The following ADGRB1 variants were observed in gnomAD, a reference collection of about 807,000 sequenced individuals.
The protein encoded by ADGRB1 is adhesion G protein-coupled receptor B1.
A neutral mutation model predicts 175.7 loss-of-function variants in ADGRB1; 36 were observed. The observed-to-expected ratio is 0.20, with a 90% CI of 0.16 to 0.27. ADGRB1 has a LOEUF of 0.27. Ranked by LOEUF, ADGRB1 falls within the 10% of genes least tolerant of loss-of-function variation. ADGRB1 has a pLI of 1.00. For synonymous variants in ADGRB1, 1,054 were observed against 979.4 expected, an observed-to-expected ratio of 1.08 and a Z score of -1.42; for missense variants, 1,731 against 2,255.3, an observed-to-expected ratio of 0.77 and a Z score of 4.71.
intron 27 of ADGRB1, chr8:142,539,715 C>CGAGA: frequency 2.8e-5 from 15 of 535,772 alleles, no homozygotes; most frequent in Admixed American, 3.3e-5. Flanking sequence ...GCTGCGTCCC[C>CGAGA]TGCCCACCTG....
At chr8:142,476,849 T>A (rs1268000161) in intron 4 of ADGRB1, among the ~76,000 whole-genome samples, 154 bp downstream of exon 4, 1 of 152,148 alleles carries the variant, frequency 6.6e-6, no homozygotes, top group Non-Finnish European at 1.5e-5. Context: ...CTGCCTGGCA[T>A]TAGGGGAACT....
intron 1 of ADGRB1, among the ~76,000 whole-genome samples, chr8:142,463,069 C>G (rs527474376): frequency 3.3e-5 from 5 of 152,228 alleles, no homozygotes; most frequent in African/African-American, 4.8e-5. Context: ...CTCACTGTGA[C>G]GGGTAAATTA....
At chr8:142,477,615 C>T (rs945103863) in intron 6 of ADGRB1, 66 bp downstream of exon 6, 11 of 1,537,960 alleles carry the variant, frequency 7.2e-6, no homozygotes, top group Middle Eastern at 1.7e-4. Context: ...AGTGGGCCAC[C>T]GGCCAGGCCC....
chr8:142,501,109 G>A (rs1842503991), intron 17 of ADGRB1, among the ~76,000 whole-genome samples: 1 of 152,236 alleles, frequency 6.6e-6, no homozygotes, highest in Non-Finnish European at 1.5e-5. Context: ...ATGAGGCGAT[G>A]GCAGTGTTGG....
intron 12 of ADGRB1, 24 bp downstream of exon 12, chr8:142,484,069 C>A: frequency 3.7e-6 from 6 of 1,600,100 alleles, no homozygotes; most frequent in South Asian, 1.1e-5. Flanking sequence ...CCCCTACGGT[C>A]AGCAGCCTCA....
chr8:142,453,736 G>A (rs548236616), intron 1 of ADGRB1, among the ~76,000 whole-genome samples: 2 of 152,318 alleles, frequency 1.3e-5, no homozygotes, highest in South Asian at 4.1e-4. Context: ...CTAAGGCTGC[G>A]GGAATATGCA....
Position 142,493,031 on chromosome 8 carries a change from G to A in ADGRB1, c.2675+2216G>A, listed in dbSNP as rs368719136. ...CCTCTCTACCAGCATAAATGCCAGC[G>A]TGACCAGCGATCTTGCGAGGACAGC... On this transcript the variant is annotated intron_variant, in intron 17 of 30. Transcript: ENST00000517894. The surrounding 1 kb of genome is among the most constrained non-coding windows in gnomAD (Gnocchi z 5.0). 5.9e-5 allele frequency among the ~76,000 whole-genome samples: 9 copies of A among 152,108 alleles called. No individual in the cohort carries two copies. Among genetic ancestry groups the A allele is most frequent in the South Asian group, 2.1e-4 (1 of 4,808 alleles).
At chr8:142,469,998 G>A (rs563830427) in intron 2 of ADGRB1, among the ~76,000 whole-genome samples, 6 of 152,342 alleles carry the variant, frequency 3.9e-5, no homozygotes, top group African/African-American at 1.4e-4. Context: ...GCAACACACA[G>A]CCAAGTGCAG....
chr8:142,544,676 C>A lies in ADGRB1; in HGVS notation c.*259C>A. 8.5e-6 allele frequency: 3 copies of A among 352,570 alleles called. No homozygotes were observed. Among genetic ancestry groups the A allele is most frequent in the Non-Finnish European group, 1.0e-5 (2 of 199,096 alleles). 21.8% of individuals were successfully genotyped at this position (352,570 alleles called of 1,614,324 possible). Reference sequence around the variant, plus strand: ...AGACTCCGCCCTCCTCGGGCCGAGGCCCAGCGGGCAGATGGGCGGACGGCT... The same window carrying A: ...AGACTCCGCCCTCCTCGGGCCGAGGACCAGCGGGCAGATGGGCGGACGGCT... On this transcript the variant is annotated 3_prime_UTR_variant, in exon 31 of 31. Transcript: ENST00000517894.
intron 11 of ADGRB1, 88 bp from the exon 12 acceptor site, chr8:142,483,889 T>G: frequency 7.1e-7 from 1 of 1,418,100 alleles, no homozygotes. Context: ...CTGACCCTGG[T>G]CACACACTGA....
At position 142,497,931 on chromosome 8, in the gene ADGRB1, G is replaced by A. The variant is rs528163667; in HGVS notation, c.2675+7116G>A. ...GCCCCCATGGCCTGAACTTCGAGTG[G>A]GCTAGCCTCCTCCCAGTCCAGGACA... is the stretch of plus-strand genomic sequence containing the variant. On this transcript the variant is annotated intron_variant, in intron 17 of 30. Coordinates refer to ENST00000517894, the MANE Select transcript of ADGRB1 (RefSeq NM_001702.3). Among the ~76,000 whole-genome samples, 8 of 152,294 alleles carry A rather than the reference G, an allele frequency of 5.3e-5. No homozygotes were observed. In the East Asian group the frequency reaches 1.5e-3, roughly 29 times the overall value.
At chr8:142,462,744 G>C (rs1348641722) in intron 1 of ADGRB1, among the ~76,000 whole-genome samples, 1 of 152,274 alleles carries the variant, frequency 6.6e-6, no homozygotes, top group African/African-American at 2.4e-5. Flanking sequence ...TGGGGGAGGG[G>C]GACTGGCTAC....
chr8:142,529,918 C>G (rs1014793681), intron 24 of ADGRB1, among the ~76,000 whole-genome samples: 11 of 143,170 alleles, frequency 7.7e-5, no homozygotes, highest in Non-Finnish European at 1.1e-4. Context: ...GAGCATGCAT[C>G]TGTGTGTGTA....
At chr8:142,536,887 C>A in intron 25 of ADGRB1, 100 bp from the exon 26 acceptor site, 1 of 1,042,024 alleles carries the variant, frequency 9.6e-7, no homozygotes, top group South Asian at 1.7e-5. Context: ...CTGCCCTTCC[C>A]CGAGACGCCC....
At position 142,460,240 on chromosome 8, in the gene ADGRB1, G is replaced by C. The variant is rs568534437; in HGVS notation, c.-219-3740G>C. The stretch of plus-strand genomic sequence containing the variant: ...GACCTCGGCTGGCTCAGGGATGGGT[G>C]GGTCTGCTGGGGGCAGGGCAGGGGG... On this transcript the variant is annotated intron_variant, in intron 1 of 30. Transcript: ENST00000517894. Among the ~76,000 whole-genome samples the C allele has an allele frequency of 4.0e-3, 613 of 152,338 alleles. 3 individuals are homozygous for C. Among genetic ancestry groups the C allele is most frequent in the African/African-American group, 0.014 (568 of 41,578 alleles).
At chr8:142,453,173 C>A (rs2131612503) in intron 1 of ADGRB1, among the ~76,000 whole-genome samples, 1 of 152,226 alleles carries the variant, frequency 6.6e-6, no homozygotes, top group East Asian at 1.9e-4. Flanking sequence ...CGCGCGTTTG[C>A]GTGCTGGTGT....
chr8:142,510,834 G>T lies in ADGRB1; in HGVS notation c.2676-98G>T. 1.6e-6 allele frequency: 1 copy of T among 606,124 alleles called. No individual in the cohort carries two copies. Among genetic ancestry groups the T allele is most frequent in the Non-Finnish European group, 2.1e-6 (1 of 486,552 alleles). The allele number at this position is 606,124 out of a possible 1,614,324, so 37.5% of individuals were successfully genotyped here. A position where few individuals can be genotyped will look rare whatever the true frequency, so the allele number is the denominator to read the frequency against. ...TGCGGGGCGGCGGGCCGGGGCCGGG[G>T]CCGGGGCGCGGAGCCGCCGCTCGGG... On this transcript the variant is annotated intron_variant, in intron 17 of 30. Transcript: ENST00000517894. This position sits in a 1 kb window ranked among gnomAD's most constrained non-coding sequence, Gnocchi z 6.3.
At chr8:142,501,068 A>G (rs914890783) in intron 17 of ADGRB1, among the ~76,000 whole-genome samples, 2 of 152,308 alleles carry the variant, frequency 1.3e-5, no homozygotes, top group Middle Eastern at 3.4e-3. Flanking sequence ...GGCTAGTGTC[A>G]GTTCCAGGGA....
At chr8:142,486,894 C>T (rs962444005) in intron 13 of ADGRB1, among the ~76,000 whole-genome samples, 1 of 152,020 alleles carries the variant, frequency 6.6e-6, no homozygotes. Context: ...TGGTGGTGCA[C>T]CTTTAGTCCC....
Sources: allele counts gnomAD v4.1 joint callset (sites outside exome capture counted in the v4.1 genomes callset), GRCh38; gene constraint gnomAD v4.1.1; non-coding constraint Gnocchi (gnomAD v3.1); transcripts MANE v1.5; gene names NCBI Gene and HGNC (gene_info 2026-07-23, HGNC 2026-07-21).